The following CERKL variants were observed in gnomAD, a reference collection of about 807,000 sequenced individuals.
CERKL encodes the protein ceramide kinase-like protein.
CERKL carries 61 observed loss-of-function variants against 63.4 expected under a neutral mutation model. The ratio of observed to expected loss-of-function variants is 0.96; its 90% CI spans 0.78 to 1.19. CERKL has a LOEUF of 1.19. Among genes scored for constraint, CERKL ranks in the 50% most tolerant of loss-of-function variants. The probability of loss-of-function intolerance (pLI) is 0.00; values close to 1 mark genes in which losing one functional copy is unlikely to be tolerated. For synonymous variants in CERKL, 250 were observed against 230.5 expected (o/e 1.08, Z -0.77); for missense variants, 675 against 655.5 (o/e 1.03, Z -0.33).
intron 1 of CERKL, among the ~76,000 whole-genome samples, chr2:181,628,463 A>C (rs1686806044): frequency 6.6e-6 from 1 of 152,206 alleles, no homozygotes; most frequent in South Asian, 2.1e-4. Flanking sequence ...ATGCTTAAAG[A>C]TCAGAGATCA....
In CERKL at chr2:181,578,450, C is replaced by T. The variant is rs776563077; in HGVS notation, c.482-4566G>A. Among the ~76,000 whole-genome samples the T allele has an allele frequency of 3.7e-4, 56 of 152,276 alleles. 1 individual carries two copies. Among genetic ancestry groups the T allele is most frequent in the Middle Eastern group, 3.4e-3 (1 of 294 alleles). On this transcript the variant is annotated intron_variant, in intron 2 of 12. Coordinates refer to ENST00000410087, the MANE Select transcript of CERKL (RefSeq NM_201548.5). ...AAGTAGCTGGGACCACAGGCATACA[C>T]CACCAGACCCAGCTAATTTTTATAT...
chr2:181,565,397 A>T, intron 4 of CERKL: 8 of 1,520,046 alleles, frequency 5.3e-6, no homozygotes, highest in South Asian at 1.1e-5. Context: ...GGTTCACCTA[A>T]TTTTAAAAAA....
chr2:181,632,482 G>T (rs752924781), intron 1 of CERKL, among the ~76,000 whole-genome samples: 83 of 152,148 alleles, frequency 5.5e-4, no homozygotes, highest in Non-Finnish European at 7.6e-4. Flanking sequence ...AATTTCCGAT[G>T]ATATAATTGA....
At chr2:181,557,586 G>A (rs1688267150) in intron 5 of CERKL, among the ~76,000 whole-genome samples, 1 of 151,984 alleles carries the variant, frequency 6.6e-6, no homozygotes, top group African/African-American at 2.4e-5. Flanking sequence ...CCGTGTCTCT[G>A]ACCTCTACTT....
chr2:181,650,857 A>G (rs1034602688), intron 1 of CERKL, among the ~76,000 whole-genome samples: 1 of 152,228 alleles, frequency 6.6e-6, no homozygotes, highest in African/African-American at 2.4e-5. Flanking sequence ...AATAAATGAA[A>G]TAGAGACTAA....
chr2:181,639,981 T>C (rs890146291), intron 1 of CERKL, among the ~76,000 whole-genome samples: 1 of 151,318 alleles, frequency 6.6e-6, no homozygotes, highest in Non-Finnish European at 1.5e-5. Flanking sequence ...GGAATGTACA[T>C]GGGAATTCCC....
At chr2:181,538,657 T>C (rs1687330476) in intron 12 of CERKL, among the ~76,000 whole-genome samples, 1 of 152,116 alleles carries the variant, frequency 6.6e-6, no homozygotes, top group Non-Finnish European at 1.5e-5. Context: ...TGTAAAGGCC[T>C]AATAAAAGCA....
At chr2:181,563,236 A>T in intron 4 of CERKL, among the ~76,000 whole-genome samples, 1 of 152,104 alleles carries the variant, frequency 6.6e-6, no homozygotes, top group East Asian at 1.9e-4. Context: ...CCTAGGACAC[A>T]CTGCAGTGGA....
At chr2:181,609,536 A>AAAAAAAAC (rs1685871579) in intron 1 of CERKL, among the ~76,000 whole-genome samples, 1 of 141,094 alleles carries the variant, frequency 7.1e-6, no homozygotes, top group Non-Finnish European at 1.5e-5. Context: ...TCTCTACTAA[A>AAAAAAAAC]AAAAAAAAAA....
chr2:181,575,419 C>T (rs1689090855), intron 2 of CERKL, among the ~76,000 whole-genome samples: 2 of 152,276 alleles, frequency 1.3e-5, no homozygotes, highest in South Asian at 2.1e-4. Flanking sequence ...AGATATGATT[C>T]GTGCTTTAAA....
rs1301473921 is a variant in CERKL, at chr2:181,558,602, C to T, written c.784G>A (p.Val262Ile). 2 of 1,613,614 alleles carry T rather than the reference C, an allele frequency of 1.2e-6. No individual in the cohort carries two copies. Among genetic ancestry groups the T allele is most frequent in the Middle Eastern group, 1.7e-4 (1 of 6,058 alleles). ...AAGCCAAGTGGAAGCTGTGCTCTGA[C>T]AGGAGTCAGGATTCGGTCTGTTTCC... ...GMETDRILTP[V>I]RAQLPLGLIP... The change falls in exon 5 of 13, where the codon GTC becomes ATC. Residue 262 changes from valine (V) to isoleucine (I), a missense_variant. Physicochemically the swap from Val to Ile is conservative, Grantham distance 29 (BLOSUM62 3). Transcript: ENST00000410087. The surrounding 1 kb of genome is among the most constrained non-coding windows in gnomAD (Gnocchi z 4.2).
chr2:181,601,136 T>C (rs1839267), intron 2 of CERKL, among the ~76,000 whole-genome samples: 20,826 of 151,706 alleles, frequency 0.14, 1,624 homozygotes, highest in East Asian at 0.26. Context: ...ATCAAAAAAA[T>C]TGAAACATGA....
At chr2:181,653,189 CAAATCAA>C (rs1481210600) in intron 1 of CERKL, among the ~76,000 whole-genome samples, 2 of 152,266 alleles carry the variant, frequency 1.3e-5, no homozygotes, top group Non-Finnish European at 2.9e-5. Context: ...CAGGGAAATG[CAAATCAA>C]AACCACAATT....
At chr2:181,613,047 T>C (rs1454062178) in intron 1 of CERKL, among the ~76,000 whole-genome samples, 22 of 152,170 alleles carry the variant, frequency 1.4e-4, no homozygotes, top group Admixed American at 1.4e-3. Flanking sequence ...GATTTTCAGG[T>C]ATTAGCAATT....
chr2:181,539,392 C>A, intron 11 of CERKL, 128 bp from the exon 12 acceptor site: 1 of 653,080 alleles, frequency 1.5e-6, no homozygotes, highest in Non-Finnish European at 2.6e-6. Context: ...AGCTTTGAGA[C>A]TATGAACAGG....
chr2:181,580,727 T>G (rs1341145829), intron 2 of CERKL, among the ~76,000 whole-genome samples: 1 of 152,192 alleles, frequency 6.6e-6, no homozygotes, highest in Non-Finnish European at 1.5e-5. Flanking sequence ...TTTTTGAACT[T>G]GCATTGTCAG....
At chr2:181,650,724 A>G (rs1687891791) in intron 1 of CERKL, among the ~76,000 whole-genome samples, 1 of 151,846 alleles carries the variant, frequency 6.6e-6, no homozygotes, top group African/African-American at 2.4e-5. Context: ...ACACCATTGC[A>G]CTCCAGCCTG....
intron 2 of CERKL, among the ~76,000 whole-genome samples, chr2:181,588,006 G>C (rs575598993): frequency 6.6e-6 from 1 of 152,088 alleles, no homozygotes; most frequent in Admixed American, 6.6e-5. Flanking sequence ...AAAATAAACT[G>C]TATATTTATC....
At chr2:181,581,952 G>T (rs1288022491) in intron 2 of CERKL, among the ~76,000 whole-genome samples, 1 of 152,200 alleles carries the variant, frequency 6.6e-6, no homozygotes, top group Non-Finnish European at 1.5e-5. Context: ...GTAGAATAGG[G>T]CATCTTGCCT....
Sources: allele counts gnomAD v4.1 joint callset (sites outside exome capture counted in the v4.1 genomes callset), GRCh38; gene constraint gnomAD v4.1.1; non-coding constraint Gnocchi (gnomAD v3.1); transcripts MANE v1.5; gene names NCBI Gene and HGNC (gene_info 2026-07-23, HGNC 2026-07-21).